Variants in MELK observed in about 807,000 individuals in gnomAD.
The protein encoded by MELK is maternal embryonic leucine zipper kinase, also known as pEg3 kinase.
In MELK, 81 loss-of-function variants were observed where a neutral mutation model predicts 85.0. The ratio of observed to expected loss-of-function variants is 0.95; its 90% CI spans 0.80 to 1.15. The LOEUF is 1.15. MELK is among the 50% of genes most tolerant of loss of function. The pLI is 0.00. For synonymous variants in MELK, 252 were observed against 265.0 expected, an observed-to-expected ratio of 0.95 and a Z score of 0.48; for missense variants, 754 against 777.5, an observed-to-expected ratio of 0.97 and a Z score of 0.36.
intron 13 of MELK, among the ~76,000 whole-genome samples, chr9:36,659,332 TTGCA>T (rs1275841014): frequency 2.0e-5 from 3 of 152,166 alleles, no homozygotes; most frequent in African/African-American, 7.2e-5. Context: ...TTTTATTTCT[TTGCA>T]TGTATATGTC....
chr9:36,609,490 CA>C (rs1480681443), intron 8 of MELK, among the ~76,000 whole-genome samples: 1 of 150,520 alleles, frequency 6.6e-6, no homozygotes, highest in African/African-American at 2.4e-5. Flanking sequence ...CTGTGTCACC[CA>C]GGCTGAAGTG....
intron 7 of MELK, among the ~76,000 whole-genome samples, chr9:36,604,268 C>CTT (rs10598117): frequency 8.9e-5 from 3 of 33,780 alleles, no homozygotes; most frequent in South Asian, 1.7e-3. Flanking sequence ...CGCGCCCGGG[C>CTT]TTTTTTTTTT....
At chr9:36,579,441 C>T (rs1214558012) in intron 1 of MELK, among the ~76,000 whole-genome samples, 7 of 152,226 alleles carry the variant, frequency 4.6e-5, no homozygotes, top group East Asian at 3.8e-4. Flanking sequence ...GGATTATAGG[C>T]GTGAGCCTCT....
At chr9:36,656,386 A>G (rs147932086) in intron 12 of MELK, among the ~76,000 whole-genome samples, 1 of 152,368 alleles carries the variant, frequency 6.6e-6, no homozygotes, top group African/African-American at 2.4e-5. Flanking sequence ...GTTGCAAGAC[A>G]TATTATTTGA....
chr9:36,603,056 A>T (rs1200995343), intron 7 of MELK, among the ~76,000 whole-genome samples: 1 of 152,154 alleles, frequency 6.6e-6, no homozygotes, highest in East Asian at 1.9e-4. Context: ...TGATCTCACA[A>T]GATTCCTAGA....
chr9:36,574,455 T>TAAAAAAAAAAAA (rs1554711133), intron 1 of MELK, among the ~76,000 whole-genome samples: 1 of 136,814 alleles, frequency 7.3e-6, no homozygotes, highest in Non-Finnish European at 1.6e-5. Flanking sequence ...AAAAAAAAAT[T>TAAAAAAAAAAAA]AACCGGGCAT....
intron 12 of MELK, among the ~76,000 whole-genome samples, chr9:36,655,212 A>G (rs1298226871): frequency 2.0e-5 from 3 of 152,168 alleles, no homozygotes; most frequent in Non-Finnish European, 2.9e-5. Context: ...ATACTGCATC[A>G]TAGTAGATGA....
At position 36,643,109 on chromosome 9, in the gene MELK, G is replaced by A. The variant is rs112199338; in HGVS notation, c.921+26G>A. The A allele has an allele frequency of 6.8e-3, 10,774 of 1,587,158 alleles. 526 individuals carry two copies. In the African/African-American group the frequency reaches 0.11, roughly 17 times the overall value. ...GTAAGAAATACAGCATGGGCTGGGCGCAGTGGCTCACGCCTGTAATCCAAA... is the reference window on the plus strand; with the variant it reads ...GTAAGAAATACAGCATGGGCTGGGCACAGTGGCTCACGCCTGTAATCCAAA... On this transcript the variant is annotated intron_variant, in intron 11 of 17. Transcript: ENST00000298048.
chr9:36,676,252 A>C (rs192710759), intron 17 of MELK, among the ~76,000 whole-genome samples: 1 of 152,222 alleles, frequency 6.6e-6, no homozygotes, highest in Non-Finnish European at 1.5e-5. Flanking sequence ...TAACAGTATG[A>C]AACAGAAAAA....
chr9:36,589,979 T>C (rs1054395495), intron 4 of MELK, among the ~76,000 whole-genome samples: 190 of 148,352 alleles, frequency 1.3e-3, no homozygotes, highest in African/African-American at 4.2e-3. Context: ...TGAAGTGCAG[T>C]GATGCCATCT....
At chr9:36,661,289 T>G (rs994618449) in intron 13 of MELK, among the ~76,000 whole-genome samples, 1 of 152,210 alleles carries the variant, frequency 6.6e-6, no homozygotes, top group East Asian at 1.9e-4. Context: ...TGCTGCGATC[T>G]TTGGCTAATA....
At chr9:36,588,516 A>G (rs2135276071) in intron 3 of MELK, among the ~76,000 whole-genome samples, 1 of 151,440 alleles carries the variant, frequency 6.6e-6, no homozygotes, top group South Asian at 2.1e-4. Flanking sequence ...AGTAGCTGGG[A>G]TTACAGCCAT....
At chr9:36,577,168 G>A (rs945128452) in intron 1 of MELK, among the ~76,000 whole-genome samples, 3 of 152,138 alleles carry the variant, frequency 2.0e-5, no homozygotes, top group African/African-American at 4.8e-5. Context: ...GAAGAACAGA[G>A]AATTTGAAGG....
intron 6 of MELK, 134 bp downstream of exon 6, chr9:36,597,424 C>T: frequency 1.3e-6 from 1 of 779,014 alleles, no homozygotes; most frequent in Non-Finnish European, 2.1e-6. Flanking sequence ...AAATTTCATC[C>T]CAGGTATGGG....
chr9:36,576,118 C>T (rs1391720763), intron 1 of MELK, among the ~76,000 whole-genome samples: 5 of 152,176 alleles, frequency 3.3e-5, no homozygotes, highest in Admixed American at 6.6e-5. Flanking sequence ...TAATCCTGTG[C>T]CTTCAGGTGC....
At chr9:36,663,584 G>A (rs939798027) in intron 13 of MELK, among the ~76,000 whole-genome samples, 3 of 151,864 alleles carry the variant, frequency 2.0e-5, no homozygotes, top group Non-Finnish European at 4.4e-5. Flanking sequence ...CTACATCCAC[G>A]TGTACACCCT....
At position 36,677,483 on chromosome 9, in the gene MELK, TAAACAAAAGA is replaced by T; in HGVS notation, c.*147_*156del. On this transcript the variant is annotated 3_prime_UTR_variant, in exon 18 of 18. Coordinates refer to ENST00000298048, the MANE Select transcript of MELK (RefSeq NM_014791.4). ...CTTAAGACCAATATCTCTTTGTTTT[TAAACAAAAGA>T]TATTATTTTGTGTATGAATCTAAAT... The T allele has an allele frequency of 1.6e-6, 1 of 625,376 alleles. No homozygotes were observed. Among genetic ancestry groups the T allele is most frequent in the Non-Finnish European group, 2.5e-6 (1 of 400,676 alleles). The allele number at this position is 625,376 out of a possible 1,614,324, so 38.7% of individuals were successfully genotyped here.
At chr9:36,650,985 A>G (rs755558396) in intron 11 of MELK, among the ~76,000 whole-genome samples, 3 of 152,228 alleles carry the variant, frequency 2.0e-5, no homozygotes, top group Non-Finnish European at 4.4e-5. Context: ...AAAGGTATAA[A>G]AAAATGGAAA....
intron 8 of MELK, among the ~76,000 whole-genome samples, chr9:36,618,886 TTAGA>T (rs762401584): frequency 2.6e-5 from 4 of 152,134 alleles, no homozygotes; most frequent in Non-Finnish European, 2.9e-5. Flanking sequence ...TTCTTATTTA[TTAGA>T]TAGATAGAAA....
Sources: gnomAD v4.1 joint callset for allele counts (sites outside exome capture counted in the v4.1 genomes callset) on GRCh38, gnomAD v4.1.1 for gene constraint, MANE v1.5 for transcripts, NCBI Gene and HGNC (gene_info 2026-07-23, HGNC 2026-07-21) for gene names.